Variants in NTRK3 observed in about 807,000 individuals in gnomAD.
NTRK3 encodes the protein neurotrophic receptor tyrosine kinase 3, also known as NT-3 growth factor receptor.
A neutral mutation model predicts 91.7 loss-of-function variants in NTRK3; 24 were observed. The observed-to-expected ratio is 0.26, with a 90% CI of 0.19 to 0.37. The LOEUF (loss-of-function observed/expected upper bound fraction) is 0.37. NTRK3 is among the 10% of genes least tolerant of loss of function. The pLI is 1.00. For missense variants in NTRK3, 880 were observed against 1,068.9 expected, an observed-to-expected ratio of 0.82 and a Z score of 2.46; for synonymous variants, 483 against 404.0, an observed-to-expected ratio of 1.20 and a Z score of -2.34.
chr15:88,181,211 A>C (rs2046425653), intron 5 of NTRK3, among the ~76,000 whole-genome samples: 2 of 152,160 alleles, frequency 1.3e-5, no homozygotes, highest in Admixed American at 6.5e-5. Context: ...AACAGGGCCC[A>C]AAGTCATGGG....
intron 15 of NTRK3, among the ~76,000 whole-genome samples, chr15:87,936,341 C>T (rs2069273752): frequency 6.6e-6 from 1 of 152,122 alleles, no homozygotes; most frequent in Non-Finnish European, 1.5e-5. Flanking sequence ...GGGGACATTT[C>T]CCTTTCTTAT....
chr15:88,065,454 G>T (rs986485466), intron 13 of NTRK3, among the ~76,000 whole-genome samples: 1 of 152,112 alleles, frequency 6.6e-6, no homozygotes, highest in Non-Finnish European at 1.5e-5. Flanking sequence ...GTGACCAGAT[G>T]GTTGCTTAGG....
At chr15:87,949,782 G>A (rs574876884) in intron 14 of NTRK3, among the ~76,000 whole-genome samples, 1 of 152,254 alleles carries the variant, frequency 6.6e-6, no homozygotes, top group African/African-American at 2.4e-5. Context: ...GAGTGCCTCT[G>A]GCTCTCATTA....
chr15:87,885,297 A>G (rs1174003566), intron 17 of NTRK3, among the ~76,000 whole-genome samples: 2 of 151,962 alleles, frequency 1.3e-5, no homozygotes, highest in Admixed American at 1.3e-4. Context: ...CTTGAATAGG[A>G]AGACTCAATG....
At chr15:88,149,489 G>A (rs925280993) in intron 5 of NTRK3, among the ~76,000 whole-genome samples, 1 of 152,160 alleles carries the variant, frequency 6.6e-6, no homozygotes, top group Admixed American at 6.5e-5. Flanking sequence ...GAGACCTCTG[G>A]TATGACAGCA....
At chr15:88,214,978 T>C (rs2049616465) in intron 3 of NTRK3, among the ~76,000 whole-genome samples, 1 of 152,092 alleles carries the variant, frequency 6.6e-6, no homozygotes, top group South Asian at 2.1e-4. Context: ...TGCTCCCCAC[T>C]CCTCTGCCCG....
intron 14 of NTRK3, among the ~76,000 whole-genome samples, chr15:87,970,162 A>G (rs543388439): frequency 6.6e-6 from 1 of 152,344 alleles, no homozygotes; most frequent in Admixed American, 6.5e-5. Flanking sequence ...TGCTAGTGGT[A>G]GAGTTGAGAC....
At chr15:87,920,075 C>T (rs1035061073) in intron 17 of NTRK3, among the ~76,000 whole-genome samples, 1 of 152,180 alleles carries the variant, frequency 6.6e-6, no homozygotes, top group Non-Finnish European at 1.5e-5. Flanking sequence ...AAAGTGAAAT[C>T]TCTGATTTGG....
chr15:88,063,202 G>C (rs945459175), intron 13 of NTRK3, among the ~76,000 whole-genome samples: 1 of 152,250 alleles, frequency 6.6e-6, no homozygotes, highest in African/African-American at 2.4e-5. Context: ...GGAGCACATA[G>C]TGAGTGCTCC....
chr15:87,981,314 G>T (rs1031170693), intron 14 of NTRK3: 16 of 1,600,262 alleles, frequency 1.0e-5, no homozygotes, highest in African/African-American at 1.3e-5. Context: ...GATCTCTATT[G>T]TCCTTCAAGT....
chr15:88,198,286 C>T (rs944636254), intron 3 of NTRK3, among the ~76,000 whole-genome samples: 2 of 152,128 alleles, frequency 1.3e-5, no homozygotes, highest in African/African-American at 4.8e-5. Context: ...CCTCTCATAA[C>T]CCAGCCTGCA....
At chr15:88,056,212 T>TA (rs1555485419) in intron 13 of NTRK3, among the ~76,000 whole-genome samples, 2 of 125,048 alleles carry the variant, frequency 1.6e-5, no homozygotes, top group East Asian at 4.3e-4. Flanking sequence ...ATTTTTTTTT[T>TA]AATGTAGAAC....
chr15:88,171,545 A>C (rs1251100576), intron 5 of NTRK3, among the ~76,000 whole-genome samples: 1 of 152,162 alleles, frequency 6.6e-6, no homozygotes. Flanking sequence ...TCAAGGTTCT[A>C]AAATAGCTTC....
intron 3 of NTRK3, among the ~76,000 whole-genome samples, chr15:88,199,638 G>A (rs933323124): frequency 5.9e-5 from 9 of 152,220 alleles, no homozygotes; most frequent in Non-Finnish European, 1.3e-4. Context: ...TAGGGAGACT[G>A]GTGGAGCACA....
chr15:88,005,392 G>A (rs2076415213), intron 14 of NTRK3, among the ~76,000 whole-genome samples: 1 of 152,152 alleles, frequency 6.6e-6, no homozygotes, highest in African/African-American at 2.4e-5. Flanking sequence ...CTAGGCAATT[G>A]TTCCAAACAG....
intron 6 of NTRK3, among the ~76,000 whole-genome samples, chr15:88,146,989 C>T (rs1474401855): frequency 4.0e-5 from 6 of 151,772 alleles, no homozygotes; most frequent in African/African-American, 1.2e-4. Flanking sequence ...GAAAGCATGC[C>T]TAATAGTCTA....
chr15:87,961,327 T>C (rs996168752), intron 14 of NTRK3, among the ~76,000 whole-genome samples: 2 of 152,254 alleles, frequency 1.3e-5, no homozygotes, highest in African/African-American at 4.8e-5. Context: ...ATCATTAAAC[T>C]GTTGACTGTC....
intron 13 of NTRK3, among the ~76,000 whole-genome samples, chr15:88,123,844 T>C (rs1414880047): frequency 6.6e-6 from 1 of 152,246 alleles, no homozygotes; most frequent in Non-Finnish European, 1.5e-5. Flanking sequence ...ATGATGCAGA[T>C]GAAGCCTCCA....
intron 13 of NTRK3, among the ~76,000 whole-genome samples, chr15:88,058,006 G>A (rs554389075): frequency 8.5e-5 from 13 of 152,366 alleles, no homozygotes; most frequent in African/African-American, 2.9e-4. Flanking sequence ...CCGAGCAGAT[G>A]CTCAGACCCC....
Sources: gnomAD v4.1 joint callset for allele counts (sites outside exome capture counted in the v4.1 genomes callset) on GRCh38, gnomAD v4.1.1 for gene constraint, MANE v1.5 for transcripts, NCBI Gene and HGNC (gene_info 2026-07-23, HGNC 2026-07-21) for gene names.